The following SNX7 variants were observed in gnomAD, a reference collection of about 807,000 sequenced individuals.
SNX7 encodes the protein sorting nexin-7.
A neutral mutation model predicts 48.4 loss-of-function variants in SNX7; 35 were observed. The observed-to-expected ratio is 0.72, with a 90% CI of 0.55 to 0.96. The LOEUF is 0.96. Among genes scored for constraint, SNX7 ranks in the 40% least tolerant of loss-of-function variants. SNX7 has a pLI of 0.00. For missense variants in SNX7, 553 were observed against 548.9 expected (o/e 1.01, Z -0.07); for synonymous variants, 190 against 190.2 (o/e 1.00, Z 0.01).
chr1:98,758,876 T>G (rs533616908), intron 8 of SNX7, among the ~76,000 whole-genome samples: 1 of 152,160 alleles, frequency 6.6e-6, no homozygotes, highest in African/African-American at 2.4e-5. Context: ...AAATCAGATT[T>G]GACATAGTAT....
chr1:98,704,564 C>T (rs539121085), intron 7 of SNX7, among the ~76,000 whole-genome samples: 4 of 152,220 alleles, frequency 2.6e-5, no homozygotes, highest in African/African-American at 9.6e-5. Context: ...CACAGAAAGA[C>T]TGAAAGGAAG....
chr1:98,738,644 T>A (rs1426956982), intron 8 of SNX7, among the ~76,000 whole-genome samples: 4 of 152,192 alleles, frequency 2.6e-5, no homozygotes, highest in Non-Finnish European at 5.9e-5. Flanking sequence ...TTCCTCTCCC[T>A]TCTCCATTTA....
At chr1:98,689,909 G>C (rs181117938) in intron 2 of SNX7, among the ~76,000 whole-genome samples, 12 of 152,164 alleles carry the variant, frequency 7.9e-5, no homozygotes, top group African/African-American at 2.9e-4. Flanking sequence ...TGAACATTTA[G>C]TTTCTTAGAT....
At chr1:98,731,136 A>C (rs1653486363) in intron 7 of SNX7, among the ~76,000 whole-genome samples, 1 of 145,508 alleles carries the variant, frequency 6.9e-6, no homozygotes, top group Admixed American at 7.1e-5. Context: ...AAAACAATTC[A>C]GAATGTATTC....
chr1:98,713,654 T>C (rs1652438003), intron 7 of SNX7, among the ~76,000 whole-genome samples: 1 of 152,214 alleles, frequency 6.6e-6, no homozygotes, highest in Non-Finnish European at 1.5e-5. Flanking sequence ...CAATTCTTTC[T>C]TTCACTTGAA....
At chr1:98,661,397 G>C (rs1175015030), upstream of SNX7, among the ~76,000 whole-genome samples, 1 of 152,090 alleles carries the variant, frequency 6.6e-6, no homozygotes, top group Admixed American at 6.5e-5. Flanking sequence ...CGCCACTGCG[G>C]AAACCGTCAC....
intron 8 of SNX7, among the ~76,000 whole-genome samples, chr1:98,756,601 T>C (rs1019277160): frequency 3.3e-5 from 5 of 151,790 alleles, no homozygotes; most frequent in African/African-American, 1.2e-4. Flanking sequence ...CCCCTGTCTC[T>C]GGTAGTCTTC....
In SNX7 at chr1:98,694,596, A is replaced by ATTTTTTTTTT. The variant is rs764330196; in HGVS notation, c.640-902_640-893dup. On this transcript the variant is annotated intron_variant, in intron 4 of 8. Coordinates refer to ENST00000306121, the MANE Select transcript of SNX7 (RefSeq NM_015976.5). ...TGCTCTACCACTTAATTGCTCTGGG[A>ATTTTTTTTTT]TTTTTTTTTTTTTTTTTTTTTTTTT... Among the ~76,000 whole-genome samples, 73 of 53,224 alleles carry ATTTTTTTTTT rather than the reference A, an allele frequency of 1.4e-3. 14 individuals carry two copies. Among genetic ancestry groups the ATTTTTTTTTT allele is most frequent in the African/African-American group, 1.7e-3 (20 of 11,590 alleles). The allele number at this position is 53,224 out of a possible 152,430, so 34.9% of individuals were successfully genotyped here.
At chr1:98,701,694 T>TC in intron 6 of SNX7, 123 bp from the exon 7 acceptor site, 1 of 559,910 alleles carries the variant, frequency 1.8e-6, no homozygotes, top group Non-Finnish European at 3.0e-6. Context: ...ATGTATTATA[T>TC]CCCCAAATGA....
chr1:98,749,085 C>G (rs1654450477), intron 8 of SNX7, among the ~76,000 whole-genome samples: 2 of 152,224 alleles, frequency 1.3e-5, no homozygotes, highest in Non-Finnish European at 2.9e-5. Context: ...ATTGGCTTAG[C>G]TGTAAGTAAA....
chr1:98,671,208 A>G (rs1420753581), intron 1 of SNX7, among the ~76,000 whole-genome samples: 1 of 152,164 alleles, frequency 6.6e-6, no homozygotes, highest in African/African-American at 2.4e-5. Flanking sequence ...AAAGTTAAAC[A>G]TTTTCATTGG....
At chr1:98,693,448 T>C (rs1651257926) in intron 4 of SNX7, among the ~76,000 whole-genome samples, 1 of 152,224 alleles carries the variant, frequency 6.6e-6, no homozygotes, top group African/African-American at 2.4e-5. Context: ...TTCATTTCAA[T>C]CTTGACAGAT....
chr1:98,721,422 T>C (rs2101006860), intron 7 of SNX7, among the ~76,000 whole-genome samples: 1 of 152,266 alleles, frequency 6.6e-6, no homozygotes, highest in African/African-American at 2.4e-5. Context: ...TTGTGAGCTG[T>C]CTTGTATATG....
intron 8 of SNX7, 104 bp from the exon 9 acceptor site, chr1:98,759,950 A>G (rs1655030098): frequency 6.9e-6 from 5 of 726,434 alleles, no homozygotes; most frequent in Admixed American, 2.0e-5. Context: ...GGAGAGAAGA[A>G]TAGAGCAGAT....
intron 7 of SNX7, among the ~76,000 whole-genome samples, chr1:98,712,055 C>G (rs909636071): frequency 1.3e-5 from 2 of 152,208 alleles, no homozygotes; most frequent in African/African-American, 4.8e-5. Context: ...ATTCGGTCAT[C>G]TCTTCAGGCT....
At chr1:98,755,638 T>TA (rs1400506774) in intron 8 of SNX7, among the ~76,000 whole-genome samples, 1 of 151,840 alleles carries the variant, frequency 6.6e-6, no homozygotes, top group Non-Finnish European at 1.5e-5. Context: ...TATTTTTAAT[T>TA]AAAAAAATAA....
chr1:98,685,104 C>CT (rs569886515), intron 2 of SNX7, 37 bp downstream of exon 2: 87 of 1,299,584 alleles, frequency 6.7e-5, no homozygotes, highest in South Asian at 4.0e-4. Flanking sequence ...AATATAGCTG[C>CT]TTTTTTTTAA....
chr1:98,675,857 G>C (rs1169702354), intron 1 of SNX7, among the ~76,000 whole-genome samples: 1 of 151,978 alleles, frequency 6.6e-6, no homozygotes, highest in Non-Finnish European at 1.5e-5. Flanking sequence ...ACCTTGTTAA[G>C]AAAAAAATCA....
chr1:98,662,170 T>G (rs1570471509), intron 1 of SNX7: 1 of 342,832 alleles, frequency 2.9e-6, no homozygotes, highest in Admixed American at 4.8e-5. Flanking sequence ...TGTGGCTTAG[T>G]GGAGTCTGCA....
Sources: gnomAD v4.1 joint callset for allele counts (sites outside exome capture counted in the v4.1 genomes callset) on GRCh38, gnomAD v4.1.1 for gene constraint, MANE v1.5 for transcripts, NCBI Gene and HGNC (gene_info 2026-07-23, HGNC 2026-07-21) for gene names.